The following PPP6C variants were observed in gnomAD, a reference collection of about 807,000 sequenced individuals.
PPP6C encodes the protein protein phosphatase 6 catalytic subunit.
In PPP6C, 11 loss-of-function variants were observed where a neutral mutation model predicts 39.8. The observed-to-expected ratio is 0.28, with a 90% confidence interval of 0.17 to 0.46. The LOEUF (loss-of-function observed/expected upper bound fraction) is 0.46, where lower values mean the gene tolerates loss of function less well. Among genes scored for constraint, PPP6C ranks in the 20% least tolerant of loss-of-function variants. The pLI is 1.00. For synonymous variants in PPP6C, 129 were observed against 130.3 expected (o/e 0.99, Z 0.07); for missense variants, 211 against 373.9 (o/e 0.56, Z 3.59).
chr9:125,150,616 T>G lies in PPP6C; in HGVS notation c.670-695A>C, dbSNP rs1835911576. 9 of 901,340 alleles carry G rather than the reference T, an allele frequency of 1.0e-5. No homozygotes were observed. In the South Asian group the frequency reaches 1.1e-4, roughly 11 times the overall value. The allele number at this position is 901,340 out of a possible 1,614,324, so 55.8% of individuals were successfully genotyped here. On this transcript the variant is annotated intron_variant, in intron 6 of 6. Coordinates refer to ENST00000373547, the MANE Select transcript of PPP6C (RefSeq NM_002721.5). The stretch of plus-strand genomic sequence containing the variant: ...CAGTCTCTGCAGCAGCAGTGATCAC[T>G]TAGTGAAGAGTGCTTAGGGTAGTTG...
At chr9:125,173,836 T>C (rs1485391515) in intron 1 of PPP6C, among the ~76,000 whole-genome samples, 2 of 152,114 alleles carry the variant, frequency 1.3e-5, no homozygotes, top group African/African-American at 2.4e-5. Flanking sequence ...CAGGATGGTC[T>C]CGCTCTCCTG....
chr9:125,155,891 C>A lies in PPP6C; in HGVS notation c.380-1906G>T, dbSNP rs376045315. Among the ~76,000 whole-genome samples the A allele has an allele frequency of 8.4e-5, 11 of 130,962 alleles. 1 individual carries two copies. The South Asian group carries it at 2.5e-3, about 30-fold the overall frequency. The allele number at this position is 130,962 out of a possible 152,430, so 85.9% of individuals were successfully genotyped here. A position where few individuals can be genotyped will look rare whatever the true frequency, so the allele number is the denominator to read the frequency against. Reference sequence around the variant, plus strand: ...CTGCACTCCAGCCTGGGTGACAGAGCGAGACTCCGTCTCAAAAAAAAAAAA... The same window carrying A: ...CTGCACTCCAGCCTGGGTGACAGAGAGAGACTCCGTCTCAAAAAAAAAAAA... On this transcript the variant is annotated intron_variant, in intron 4 of 6. Transcript: ENST00000373547.
chr9:125,171,470 CACACACACATATATAT>C (rs927463675), intron 1 of PPP6C, among the ~76,000 whole-genome samples: 30 of 24,696 alleles, frequency 1.2e-3, no homozygotes, highest in African/African-American at 4.2e-3. Context: ...TACACACACA[CACACACACATATATAT>C]ATATATATAT....
At chr9:125,180,883 ACT>A (rs1264081958) in intron 1 of PPP6C, among the ~76,000 whole-genome samples, 1 of 152,016 alleles carries the variant, frequency 6.6e-6, no homozygotes, top group Non-Finnish European at 1.5e-5. Context: ...TCGCTGTGAA[ACT>A]CTGTCAATCT....
chr9:125,147,774 A>T lies in PPP6C; in HGVS notation c.*1899T>A, dbSNP rs1374650600. The T allele has an allele frequency of 1.3e-5, 2 of 151,618 alleles. No homozygotes were observed. The highest frequency in any genetic ancestry group is 4.9e-5 in the African/African-American group (2 of 41,174). The allele number at this position is 151,618 out of a possible 1,614,324, so 9.4% of individuals were successfully genotyped here. On this transcript the variant is annotated 3_prime_UTR_variant, in exon 7 of 7. Transcript: ENST00000373547. ...GTTCTATTAGTACAACTTAAGTGGA[A>T]AGCAAGCACTTAAATACAATTTATG...
At chr9:125,156,521 C>T (rs935839363) in intron 4 of PPP6C, among the ~76,000 whole-genome samples, 5 of 152,222 alleles carry the variant, frequency 3.3e-5, no homozygotes, top group African/African-American at 1.2e-4. Context: ...ATCTGCCTGC[C>T]TCAGCCTCCC....
rs778633300 is a variant in PPP6C at position 125,160,731 on chromosome 9, T to C, written c.237+110A>G. 1.8e-4 allele frequency: 129 copies of C among 727,372 alleles called. 1 individual carries two copies. Among genetic ancestry groups the C allele is most frequent in the Admixed American group, 2.2e-4 (6 of 27,156 alleles). 45.1% of individuals were successfully genotyped at this position (727,372 alleles called of 1,614,324 possible). A position where few individuals can be genotyped will look rare whatever the true frequency, so the allele number is the denominator to read the frequency against. ...ACGGACTAATACACATCTTTTAATA[T>C]ACTGAAATAGGGACTGTCACATGGT... On this transcript the variant is annotated intron_variant, in intron 3 of 6. Coordinates refer to ENST00000373547, the MANE Select transcript of PPP6C (RefSeq NM_002721.5).
chr9:125,175,438 A>T (rs994260850), intron 1 of PPP6C, among the ~76,000 whole-genome samples: 6 of 151,932 alleles, frequency 3.9e-5, no homozygotes, highest in Non-Finnish European at 8.8e-5. Flanking sequence ...GGAGATCGAG[A>T]CCATCCTGGC....
chr9:125,159,915 G>T (rs898375392), intron 3 of PPP6C, among the ~76,000 whole-genome samples: 3 of 152,116 alleles, frequency 2.0e-5, no homozygotes, highest in African/African-American at 7.2e-5. Flanking sequence ...CCAGCTACTC[G>T]GGAGGCTGAG....
chr9:125,151,668 C>A, intron 6 of PPP6C: 1 of 543,310 alleles, frequency 1.8e-6, no homozygotes, highest in Non-Finnish European at 3.4e-6. Flanking sequence ...ATGACGAATT[C>A]AGCAGAAGAC....
At chr9:125,153,857 A>G (rs756695845) in intron 5 of PPP6C, 49 bp downstream of exon 5, 3 of 1,535,090 alleles carry the variant, frequency 2.0e-6, no homozygotes, top group Non-Finnish European at 1.8e-6. Context: ...AAAATATGCA[A>G]TGTGTTATTG....
intron 2 of PPP6C, among the ~76,000 whole-genome samples, chr9:125,170,260 A>G (rs1268999530): frequency 2.7e-5 from 4 of 150,284 alleles, no homozygotes; most frequent in Non-Finnish European, 5.9e-5. Flanking sequence ...TTTTTTAGAC[A>G]GAGTCTTGCT....
chr9:125,158,851 G>C (rs902467118), intron 3 of PPP6C, among the ~76,000 whole-genome samples: 31 of 151,626 alleles, frequency 2.0e-4, no homozygotes, highest in African/African-American at 7.0e-4. Flanking sequence ...TTTTTGTAGA[G>C]ACGGGGGTTT....
At chr9:125,183,860 T>C (rs1041845695) in intron 1 of PPP6C, among the ~76,000 whole-genome samples, 1 of 152,168 alleles carries the variant, frequency 6.6e-6, no homozygotes, top group African/African-American at 2.4e-5. Flanking sequence ...GTTTACCTCC[T>C]TACCTCCCTT....
At position 125,171,121 on chromosome 9, in the gene PPP6C, T is replaced by C. The variant is rs1251504806; in HGVS notation, c.135A>G (p.Ser45=). The change falls in exon 2 of 7, where the codon TCA becomes TCG. Residue 45 remains serine (S), a synonymous_variant. Coordinates refer to ENST00000373547, the MANE Select transcript of PPP6C (RefSeq NM_002721.5). ...LLEESNVQPV[S]TPVTVCGDIH... is the part of the protein sequence containing the mutation. ...TATCTCCACACACTGTTACTGGTGT[T>C]GATACTGGCTGAACATTTGACTCTT... The C allele has an allele frequency of 6.2e-7, 1 of 1,604,832 alleles. No individual in the cohort carries two copies. Among genetic ancestry groups the C allele is most frequent in the South Asian group, 1.1e-5 (1 of 90,040 alleles).
chr9:125,151,374 T>C, intron 6 of PPP6C: 1 of 1,108,874 alleles, frequency 9.0e-7, no homozygotes, highest in South Asian at 1.3e-5. Context: ...GTTTATGCTA[T>C]CTTGACTCAC....
At chr9:125,163,829 C>T (rs896959019) in intron 2 of PPP6C, among the ~76,000 whole-genome samples, 1 of 151,930 alleles carries the variant, frequency 6.6e-6, no homozygotes, top group Admixed American at 6.6e-5. Flanking sequence ...GTTCCCATTT[C>T]CCGAGAACTT....
At chr9:125,162,457 CAA>C (rs977223135) in intron 2 of PPP6C, among the ~76,000 whole-genome samples, 9,019 of 69,700 alleles carry the variant, frequency 0.13, 226 homozygotes, top group African/African-American at 0.23. Flanking sequence ...GATTCTGTCT[CAA>C]AAAAAAAAAA....
At chr9:125,161,072 A>T (rs1471547925) in intron 2 of PPP6C, among the ~76,000 whole-genome samples, 166 bp from the exon 3 acceptor site, 1 of 152,160 alleles carries the variant, frequency 6.6e-6, no homozygotes, top group African/African-American at 2.4e-5. Context: ...TCTCAAGACT[A>T]AAAAAAGCAC....
Sources: gnomAD v4.1 joint callset for allele counts (sites outside exome capture counted in the v4.1 genomes callset) on GRCh38, gnomAD v4.1.1 for gene constraint, MANE v1.5 for transcripts, NCBI Gene and HGNC (gene_info 2026-07-23, HGNC 2026-07-21) for gene names.